Variants in RAPGEF4 observed in about 807,000 individuals in gnomAD.
RAPGEF4 encodes the protein RAP guanine-nucleotide-exchange factor (GEF) 4.
RAPGEF4 carries 66 observed loss-of-function variants against 147.9 expected under a neutral mutation model. That is an observed-to-expected ratio of 0.45 (90% CI 0.37 to 0.55). The LOEUF (loss-of-function observed/expected upper bound fraction) is 0.55. RAPGEF4 is among the 20% of genes least tolerant of loss of function. RAPGEF4 has a pLI of 0.00. For missense variants in RAPGEF4, 1,071 were observed against 1,257.3 expected (o/e 0.85, Z 2.24); for synonymous variants, 419 against 442.7 (o/e 0.95, Z 0.67).
chr2:172,874,474 C>T (rs1044208135), intron 4 of RAPGEF4, among the ~76,000 whole-genome samples: 7 of 152,052 alleles, frequency 4.6e-5, no homozygotes, highest in East Asian at 1.9e-4. Context: ...GTTCAATTCC[C>T]GCCTATGAGT....
At position 172,742,655 on chromosome 2, in the gene RAPGEF4, T is replaced by A. The variant is rs1309332961; in HGVS notation, c.65+6607T>A. 3.3e-5 allele frequency among the ~76,000 whole-genome samples: 5 copies of A among 152,336 alleles called. No individual in the cohort carries two copies. In the East Asian group the frequency reaches 9.6e-4, roughly 29 times the overall value. On this transcript the variant is annotated intron_variant, in intron 1 of 30. Coordinates refer to ENST00000397081, the MANE Select transcript of RAPGEF4 (RefSeq NM_007023.4). ...ACATTTCACTGTGGCCTCAAATACA[T>A]GGGAGCACATGACATATATATTTGG... is the stretch of plus-strand genomic sequence containing the variant.
At chr2:172,843,255 A>C (rs899859512) in intron 4 of RAPGEF4, among the ~76,000 whole-genome samples, 1 of 152,218 alleles carries the variant, frequency 6.6e-6, no homozygotes, top group Non-Finnish European at 1.5e-5. Context: ...CTTGGATAAG[A>C]GGAAAAGGGG....
chr2:172,864,542 G>A (rs1694410977), intron 4 of RAPGEF4, among the ~76,000 whole-genome samples: 1 of 152,174 alleles, frequency 6.6e-6, no homozygotes, highest in African/African-American at 2.4e-5. Context: ...GTTCAGTTTG[G>A]ATACCATTGC....
At chr2:172,919,191 T>A (rs1684436900) in intron 5 of RAPGEF4, among the ~76,000 whole-genome samples, 1 of 152,066 alleles carries the variant, frequency 6.6e-6, no homozygotes, top group Admixed American at 6.5e-5. Context: ...AGGCACGTAG[T>A]CTCTCTGTGC....
chr2:173,000,214 T>C (rs1693764313), intron 16 of RAPGEF4, among the ~76,000 whole-genome samples: 1 of 152,216 alleles, frequency 6.6e-6, no homozygotes, highest in Non-Finnish European at 1.5e-5. Context: ...GACAGCTTGG[T>C]ATTACACTCA....
intron 15 of RAPGEF4, among the ~76,000 whole-genome samples, chr2:172,992,226 A>G (rs986705308): frequency 6.6e-6 from 1 of 152,260 alleles, no homozygotes; most frequent in East Asian, 1.9e-4. Flanking sequence ...TTACAAAACT[A>G]TAAAATTACC....
At chr2:172,863,837 C>T (rs1030422342) in intron 4 of RAPGEF4, among the ~76,000 whole-genome samples, 1 of 152,124 alleles carries the variant, frequency 6.6e-6, no homozygotes, top group South Asian at 2.1e-4. Flanking sequence ...ACCCTCGGGT[C>T]AAAGTCATGT....
chr2:172,845,777 A>G lies in RAPGEF4; in HGVS notation c.444+31352A>G, dbSNP rs551804847. ...TTCGCAATGTGGTGCAACCATCACT[A>G]CTGTCTAGTTTCAGAAGTTTTTCAT... On this transcript the variant is annotated intron_variant, in intron 4 of 30. Coordinates refer to ENST00000397081, the MANE Select transcript of RAPGEF4 (RefSeq NM_007023.4). 4.6e-5 allele frequency among the ~76,000 whole-genome samples: 7 copies of G among 152,356 alleles called. No individual in the cohort carries two copies. In the East Asian group the frequency reaches 1.3e-3, roughly 29 times the overall value.
chr2:172,939,682 T>C (rs1410332753), intron 6 of RAPGEF4, among the ~76,000 whole-genome samples: 1 of 152,162 alleles, frequency 6.6e-6, no homozygotes, highest in Non-Finnish European at 1.5e-5. Context: ...TTGTTGTATC[T>C]AACTTATCAC....
chr2:172,945,255 C>G (rs1687573456), intron 6 of RAPGEF4, among the ~76,000 whole-genome samples: 1 of 152,000 alleles, frequency 6.6e-6, no homozygotes, highest in African/African-American at 2.4e-5. Flanking sequence ...TGATTTGCTT[C>G]CATATTTTAT....
At chr2:173,044,874 A>T (rs1292536755) in intron 29 of RAPGEF4, among the ~76,000 whole-genome samples, 2 of 152,180 alleles carry the variant, frequency 1.3e-5, no homozygotes, top group Non-Finnish European at 2.9e-5. Flanking sequence ...TACTGGGGAA[A>T]AAAAGATGAG....
chr2:172,821,936 A>G, intron 4 of RAPGEF4: 5 of 1,613,444 alleles, frequency 3.1e-6, no homozygotes, highest in South Asian at 1.1e-5. Flanking sequence ...GATGTCTGAG[A>G]ACTTTGAGAG....
In RAPGEF4 at chr2:172,923,076, C is replaced by G. The variant is rs73030882; in HGVS notation, c.537+776C>G. 1.8e-3 allele frequency among the ~76,000 whole-genome samples: 267 copies of G among 152,308 alleles called. 2 individuals are homozygous for G. Among genetic ancestry groups the G allele is most frequent in the African/African-American group, 6.2e-3 (256 of 41,580 alleles). On this transcript the variant is annotated intron_variant, in intron 6 of 30. Coordinates refer to ENST00000397081, the MANE Select transcript of RAPGEF4 (RefSeq NM_007023.4). Reference sequence around the variant, plus strand: ...ACAGGATTGTCACCTTTGCCTTTCTCTGCTTTCGGTCCCATGTCTGTGGGA... The same window carrying G: ...ACAGGATTGTCACCTTTGCCTTTCTGTGCTTTCGGTCCCATGTCTGTGGGA...
intron 16 of RAPGEF4, among the ~76,000 whole-genome samples, chr2:172,999,549 GTTCTTATAT>G (rs1693698927): frequency 6.6e-6 from 1 of 152,112 alleles, no homozygotes; most frequent in African/African-American, 2.4e-5. Context: ...AGACCTATTA[GTTCTTATAT>G]TTTTACTTTT....
chr2:172,847,429 C>T (rs986201294), intron 4 of RAPGEF4, among the ~76,000 whole-genome samples: 8 of 152,314 alleles, frequency 5.3e-5, no homozygotes, highest in Non-Finnish European at 7.4e-5. Flanking sequence ...AGGCTCCTCC[C>T]GTTCCACCCT....
chr2:172,994,974 A>G (rs565063874), intron 15 of RAPGEF4, among the ~76,000 whole-genome samples: 1 of 152,276 alleles, frequency 6.6e-6, no homozygotes, highest in South Asian at 2.1e-4. Flanking sequence ...TTTAGCTAAC[A>G]GCTGCCTTCC....
rs1205647587 is a variant in RAPGEF4 at position 173,042,633 on chromosome 2, A to G, written c.2853+5941A>G. 6.6e-6 allele frequency among the ~76,000 whole-genome samples: 1 copy of G among 151,814 alleles called. No homozygotes were observed. Among genetic ancestry groups the G allele is most frequent in the Admixed American group, 6.6e-5 (1 of 15,252 alleles). ...GTAAGACTCCAAATCAAAAAAAAAA[A>G]GGGAAAGAAAATTGGATTAACCAAA... is the stretch of plus-strand genomic sequence containing the variant. On this transcript the variant is annotated intron_variant, in intron 29 of 30. Coordinates refer to ENST00000397081, the MANE Select transcript of RAPGEF4 (RefSeq NM_007023.4). This position sits in a 1 kb window ranked among gnomAD's most constrained non-coding sequence, Gnocchi z 4.2.
At chr2:173,005,672 A>G (rs1694403529) in intron 17 of RAPGEF4, among the ~76,000 whole-genome samples, 1 of 151,104 alleles carries the variant, frequency 6.6e-6, no homozygotes, top group Non-Finnish European at 1.5e-5. Context: ...ACAGGCACGC[A>G]CCACCACACC....
chr2:172,785,508 A>G (rs1168638682), intron 1 of RAPGEF4, among the ~76,000 whole-genome samples: 1 of 152,186 alleles, frequency 6.6e-6, no homozygotes, highest in Non-Finnish European at 1.5e-5. Context: ...ACTGGAGGAG[A>G]TGAGCAGCTC....
Sources: gnomAD v4.1 joint callset for allele counts (sites outside exome capture counted in the v4.1 genomes callset) on GRCh38, gnomAD v4.1.1 for gene constraint, Gnocchi (gnomAD v3.1) non-coding constraint, MANE v1.5 for transcripts, NCBI Gene and HGNC (gene_info 2026-07-23, HGNC 2026-07-21) for gene names.